The following WDR47 variants were observed in gnomAD, a reference collection of about 807,000 sequenced individuals.
WDR47 encodes the protein WD repeat domain 47.
WDR47 carries 32 observed loss-of-function variants against 97.2 expected under a neutral mutation model. The ratio of observed to expected loss-of-function variants is 0.33; its 90% confidence interval spans 0.25 to 0.44. The LOEUF is 0.44. WDR47 is among the 20% of genes least tolerant of loss of function. WDR47 has a pLI of 1.00. For synonymous variants in WDR47, 375 were observed against 373.5 expected (o/e 1.00, Z -0.05); for missense variants, 782 against 1,102.3 (o/e 0.71, Z 4.11).
rs199821610 is a variant in WDR47, at chr1:109,010,578, ATTTT to A, written c.1130+334_1130+337del. On this transcript the variant is annotated intron_variant, in intron 5 of 14. Transcript: ENST00000369962. Reference sequence around the variant, plus strand: ...ATCTCAAACTTCTGAAGATTTCCTAATTTTTTTTTTTTTTTTTTTTTTGAGTCGG... The same window carrying A: ...ATCTCAAACTTCTGAAGATTTCCTAATTTTTTTTTTTTTTTTTTGAGTCGG... 6.4e-4 allele frequency among the ~76,000 whole-genome samples: 65 copies of A among 101,704 alleles called. 3 individuals are homozygous for A. The highest frequency in any genetic ancestry group is 5.0e-3 in the Admixed American group (46 of 9,186). The allele number at this position is 101,704 out of a possible 152,430, so 66.7% of individuals were successfully genotyped here. A position where few individuals can be genotyped will look rare whatever the true frequency, so the allele number is the denominator to read the frequency against.
chr1:108,975,776 A>G lies in WDR47; in HGVS notation c.2399-1022T>C, dbSNP rs146253702. ...CACAAGTTAGACCTTGAAAAACAAT[A>G]AACAGCATAAATAAGAGTATGTATG... On this transcript the variant is annotated intron_variant, in intron 13 of 14. Coordinates refer to ENST00000369962, the MANE Select transcript of WDR47 (RefSeq NM_001142551.2). Among the ~76,000 whole-genome samples the G allele has an allele frequency of 2.1e-3, 323 of 152,296 alleles. 2 individuals are homozygous for G. Among genetic ancestry groups the G allele is most frequent in the African/African-American group, 7.4e-3 (307 of 41,552 alleles).
chr1:109,001,016 C>T (rs573470889), intron 7 of WDR47, among the ~76,000 whole-genome samples: 91 of 152,012 alleles, frequency 6.0e-4, no homozygotes, highest in Non-Finnish European at 1.1e-3. Flanking sequence ...TACATAAGAC[C>T]GGGTGTGGTG....
intron 3 of WDR47, among the ~76,000 whole-genome samples, chr1:109,015,188 T>C (rs898798078): frequency 1.3e-5 from 2 of 150,484 alleles, no homozygotes; most frequent in African/African-American, 2.5e-5. Context: ...ATGGTCTGAA[T>C]AGCAAATCAA....
rs965121493 is a variant in WDR47 at position 109,002,553 on chromosome 1, A to G, written c.1255-151T>C. On this transcript the variant is annotated intron_variant, in intron 6 of 14. Transcript: ENST00000369962. Reference sequence around the variant, plus strand: ...AATCTATTGCTCTTTGAAAAACAGTATGTGTCTTAATACTCAAGTGGATCA... The same window carrying G: ...AATCTATTGCTCTTTGAAAAACAGTGTGTGTCTTAATACTCAAGTGGATCA... The G allele has an allele frequency of 3.1e-5, 21 of 674,066 alleles. No homozygotes were observed. In the South Asian group the frequency reaches 6.2e-4, roughly 20 times the overall value. The allele number at this position is 674,066 out of a possible 1,614,324, so 41.8% of individuals were successfully genotyped here.
intron 4 of WDR47, among the ~76,000 whole-genome samples, chr1:109,012,545 C>A (rs1571217508): frequency 8.9e-6 from 1 of 111,932 alleles, no homozygotes; most frequent in East Asian, 3.0e-4. Flanking sequence ...TGCACTCCAG[C>A]CTGGGTGACA....
chr1:108,986,178 T>C (rs980443771), intron 10 of WDR47, among the ~76,000 whole-genome samples: 2 of 152,076 alleles, frequency 1.3e-5, no homozygotes, highest in African/African-American at 2.4e-5. Flanking sequence ...AGGAATCCAC[T>C]GGGGTTCTTA....
At chr1:109,009,851 A>T (rs1660900344) in intron 5 of WDR47, among the ~76,000 whole-genome samples, 1 of 152,084 alleles carries the variant, frequency 6.6e-6, no homozygotes, top group African/African-American at 2.4e-5. Flanking sequence ...TACAAAAATT[A>T]GTTGGGCGTG....
chr1:109,027,075 A>C (rs1311445534), intron 1 of WDR47, among the ~76,000 whole-genome samples: 1 of 150,870 alleles, frequency 6.6e-6, no homozygotes, highest in Non-Finnish European at 1.5e-5. Flanking sequence ...TTTTTTTTTT[A>C]AGGCAGAGTC....
chr1:108,981,963 C>T, intron 12 of WDR47, 99 bp from the exon 13 acceptor site: 1 of 1,328,788 alleles, frequency 7.5e-7, no homozygotes, highest in Non-Finnish European at 1.0e-6. Flanking sequence ...TGGCTCATGC[C>T]TATAATCCCA....
At chr1:109,005,812 C>T (rs1279643241) in intron 5 of WDR47, among the ~76,000 whole-genome samples, 1 of 151,570 alleles carries the variant, frequency 6.6e-6, no homozygotes, top group Non-Finnish European at 1.5e-5. Flanking sequence ...GAGGTTACAG[C>T]GAGCCGAGAT....
chr1:108,999,671 C>A (rs1318429169), intron 7 of WDR47, among the ~76,000 whole-genome samples: 17 of 149,518 alleles, frequency 1.1e-4, no homozygotes, highest in African/African-American at 3.5e-4. Context: ...GAGACCCTGT[C>A]TCAAATTAAA....
At chr1:109,039,881 C>G (rs1172660150) in intron 1 of WDR47, among the ~76,000 whole-genome samples, 1 of 151,698 alleles carries the variant, frequency 6.6e-6, no homozygotes, top group African/African-American at 2.4e-5. Context: ...ACTAAAAATA[C>G]AAAAAGTAGC....
chr1:109,026,195 T>C (rs1662203840), intron 1 of WDR47, among the ~76,000 whole-genome samples: 1 of 151,996 alleles, frequency 6.6e-6, no homozygotes, highest in Admixed American at 6.6e-5. Context: ...GACAGGTGTG[T>C]GCCACCGTAC....
At chr1:108,981,469 G>C (rs1416229467) in intron 13 of WDR47, among the ~76,000 whole-genome samples, 1 of 152,050 alleles carries the variant, frequency 6.6e-6, no homozygotes, top group African/African-American at 2.4e-5. Context: ...TGTTTCTAAA[G>C]GTCTGAGTTC....
intron 9 of WDR47, among the ~76,000 whole-genome samples, chr1:108,989,204 T>C (rs926109991): frequency 1.3e-5 from 2 of 152,184 alleles, no homozygotes; most frequent in Non-Finnish European, 1.5e-5. Context: ...TGACTGGACA[T>C]GGTGCAGGAA....
At chr1:108,984,727 A>C (rs1436865800) in intron 10 of WDR47, among the ~76,000 whole-genome samples, 3 of 152,080 alleles carry the variant, frequency 2.0e-5, no homozygotes, top group African/African-American at 7.2e-5. Context: ...AAAATACAAA[A>C]ATCAGCTAGG....
chr1:109,014,223 T>C (rs1248480070), intron 3 of WDR47, among the ~76,000 whole-genome samples: 1 of 152,158 alleles, frequency 6.6e-6, no homozygotes, highest in African/African-American at 2.4e-5. Context: ...CCTTACATCC[T>C]GTTTTTTATT....
intron 1 of WDR47, among the ~76,000 whole-genome samples, chr1:109,025,151 T>G (rs1662111063): frequency 6.6e-6 from 1 of 151,934 alleles, no homozygotes; most frequent in Admixed American, 6.6e-5. Context: ...CTCCCTCAGC[T>G]AGAGGCCTGG....
chr1:108,990,545 T>C (rs756932397), intron 9 of WDR47, among the ~76,000 whole-genome samples: 1 of 152,144 alleles, frequency 6.6e-6, no homozygotes, highest in Admixed American at 6.6e-5. Flanking sequence ...TTGGAAACAC[T>C]GGACTTGCAT....
Sources: allele counts gnomAD v4.1 joint callset (sites outside exome capture counted in the v4.1 genomes callset), GRCh38; gene constraint gnomAD v4.1.1; transcripts MANE v1.5; gene names NCBI Gene and HGNC (gene_info 2026-07-23, HGNC 2026-07-21).